Variants in IZUMO4 observed in about 807,000 individuals in gnomAD.
The protein encoded by IZUMO4 is izumo sperm-egg fusion protein 4.
IZUMO4 carries 51 observed loss-of-function variants against 37.1 expected under a neutral mutation model. That is an observed-to-expected ratio of 1.38 (90% CI 1.10 to 1.74). The LOEUF (loss-of-function observed/expected upper bound fraction) is 1.74. Among genes scored for constraint, IZUMO4 ranks in the 40% most tolerant of loss-of-function variants. IZUMO4 has a pLI of 0.00. For missense variants in IZUMO4, 364 were observed against 299.6 expected (o/e 1.21, Z -1.59); for synonymous variants, 162 against 121.4 (o/e 1.33, Z -2.20).
At position 2,097,741 on chromosome 19, in the gene IZUMO4, T is replaced by G. The variant is rs2144953778; in HGVS notation, c.371-188T>G. ...GCCACCGCCCTCCCCTGAAGTTTGC[T>G]CCATCTCACGCTGGGGGTCAACCTG... On this transcript the variant is annotated intron_variant, in intron 3 of 9. Transcript: ENST00000395301. 8.0e-6 allele frequency: 6 copies of G among 746,056 alleles called. No homozygotes were observed. The East Asian group carries it at 1.6e-4, about 20-fold the overall frequency. 46.2% of individuals were successfully genotyped at this position (746,056 alleles called of 1,614,324 possible). A position where few individuals can be genotyped will look rare whatever the true frequency, so the allele number is the denominator to read the frequency against.
chr19:2,099,303 C>A lies in IZUMO4; in HGVS notation c.657C>A (p.Asn219Lys). The A allele has an allele frequency of 6.2e-7, 1 of 1,613,558 alleles. No individual in the cohort carries two copies. Among genetic ancestry groups the A allele is most frequent in the Middle Eastern group, 1.7e-4 (1 of 6,058 alleles). ...LRCLEPPHLA[N>K]LTLEDAAECL... ...GTCTGGAGCCCCCACACTTGGCCAA[C>A]CTGACCTTGGAAGATGCTGCTGAGT... Residue 219 changes from asparagine to lysine, a missense_variant, in exon 10 of 10, where the codon AAC becomes AAA. Physicochemically the swap from Asn to Lys is moderately conservative, Grantham distance 94 (BLOSUM62 0). Transcript: ENST00000395301.
Position 2,098,122 on chromosome 19 carries a change from C to A in IZUMO4, c.468C>A (p.Asn156Lys). The A allele has an allele frequency of 6.2e-7, 1 of 1,613,520 alleles. No individual in the cohort carries two copies. The highest frequency in any genetic ancestry group is 8.5e-7 in the Non-Finnish European group (1 of 1,179,982). The change falls in exon 5 of 10, where the codon AAC (asparagine) becomes AAA (lysine). Residue 156 changes from asparagine (N) to lysine (K), a missense_variant. Coordinates refer to ENST00000395301, the MANE Select transcript of IZUMO4 (RefSeq NM_001039846.2). Reference sequence around the variant, plus strand: ...CGCACGTCGCCTGCTTTGGCTATAACTGCGAGTAGGGCTCAGGCATCACAC... The same window carrying A: ...CGCACGTCGCCTGCTTTGGCTATAAATGCGAGTAGGGCTCAGGCATCACAC... ...TDSHVACFGYNCESSAQWKSA... is the reference protein window; with the variant it reads ...TDSHVACFGYKCESSAQWKSA...
rs964901102 is a variant in IZUMO4 at position 2,097,009 on chromosome 19, C to T, written c.64C>T (p.His22Tyr). 6.2e-7 allele frequency: 1 copy of T among 1,611,550 alleles called. No individual in the cohort carries two copies. The highest frequency in any genetic ancestry group is 1.7e-5 in the Admixed American group (1 of 60,022). Reference protein sequence around the residue: ...AALAHGCLHCHSNFSKKFSFY... With the variant: ...AALAHGCLHCYSNFSKKFSFY... The stretch of plus-strand genomic sequence containing the variant: ...GCTGGCCCACGGCTGTCTGCACTGC[C>T]ACAGCAACTTCTCCAAGAAGTTCTC... Residue 22 changes from histidine (H) to tyrosine (Y), a missense_variant, in exon 1 of 10, where the codon CAC becomes TAC. Transcript: ENST00000395301.
In IZUMO4 at chr19:2,097,931, C is replaced by G. The variant is rs201920532; in HGVS notation, c.373C>G (p.Arg125Gly). The change falls in exon 4 of 10, where the codon CGC becomes GGC. Residue 125 changes from arginine (R) to glycine (G), a missense_variant and splice_region_variant. Transcript: ENST00000395301. ...GGCGCTGTCCTGCCCTCCCACAGGC[C>G]GCATCGACTGTCAGCACCGCTGTGG... Reference protein sequence around the residue: ...HLIQNAIIESRIDCQHRCGIF... With the variant: ...HLIQNAIIESGIDCQHRCGIF... 1.2e-6 allele frequency: 2 copies of G among 1,612,930 alleles called. No homozygotes were observed. Among genetic ancestry groups the G allele is most frequent in the African/African-American group, 2.7e-5 (2 of 74,934 alleles).
In IZUMO4 at chr19:2,099,359, T is replaced by C. The variant is rs1477613997; in HGVS notation, c.*14T>C. On this transcript the variant is annotated 3_prime_UTR_variant, in exon 10 of 10. Transcript: ENST00000395301. ...AAGCAGCACTGACAGCAGCTGGGCC[T>C]GCCCCAGGGCAACGTGGGGGCGGAG... 2.5e-6 allele frequency: 4 copies of C among 1,596,962 alleles called. No individual in the cohort carries two copies. The South Asian group carries it at 3.3e-5, about 13-fold the overall frequency.
Position 2,099,395 on chromosome 19 carries a change from A to ACAGCCCCTGCCTGTCAC in IZUMO4, c.*51_*67dup. The ACAGCCCCTGCCTGTCAC allele has an allele frequency of 7.6e-7, 1 of 1,320,184 alleles. No individual in the cohort carries two copies. The highest frequency in any genetic ancestry group is 1.1e-6 in the Non-Finnish European group (1 of 937,870). The allele number at this position is 1,320,184 out of a possible 1,614,324, so 81.8% of individuals were successfully genotyped here. ...AACGTGGGGGCGGAGACTCAGCTGGACAGCCCCTGCCTGTCACTCTGGAGC... is the reference window on the plus strand; with the variant it reads ...AACGTGGGGGCGGAGACTCAGCTGGACAGCCCCTGCCTGTCACCAGCCCCTGCCTGTCACTCTGGAGC... On this transcript the variant is annotated 3_prime_UTR_variant, in exon 10 of 10. Coordinates refer to ENST00000395301, the MANE Select transcript of IZUMO4 (RefSeq NM_001039846.2).
At position 2,099,454 on chromosome 19, in the gene IZUMO4, C is replaced by A; in HGVS notation, c.*109C>A. On this transcript the variant is annotated 3_prime_UTR_variant, in exon 10 of 10. Coordinates refer to ENST00000395301, the MANE Select transcript of IZUMO4 (RefSeq NM_001039846.2). ...TGCTGCCTCAGGACCCCCTCTCCGA[C>A]CCCGGACAGAGCTGAGCTGGCCAGG... 4 of 754,360 alleles carry A rather than the reference C, an allele frequency of 5.3e-6. No individual in the cohort carries two copies. Among genetic ancestry groups the A allele is most frequent in the Non-Finnish European group, 9.0e-6 (4 of 442,698 alleles). The allele number at this position is 754,360 out of a possible 1,614,324, so 46.7% of individuals were successfully genotyped here.
chr19:2,097,366 AC>A lies in IZUMO4; in HGVS notation c.298+38del, dbSNP rs1300444899. ...CGCGAAACCGAGGCGGGGCCCCCCC[AC>A]CCCGGGACACCCCGCCCACCGCCTG... On this transcript the variant is annotated intron_variant, in intron 2 of 9. Transcript: ENST00000395301. 5.4e-6 allele frequency: 4 copies of A among 742,042 alleles called. No homozygotes were observed. The East Asian group carries it at 2.2e-4, about 42-fold the overall frequency. The allele number at this position is 742,042 out of a possible 1,614,324, so 46.0% of individuals were successfully genotyped here.
Position 2,099,392 on chromosome 19 carries a change from T to A in IZUMO4, c.*47T>A. On this transcript the variant is annotated 3_prime_UTR_variant, in exon 10 of 10. Transcript: ENST00000395301. ...GGCAACGTGGGGGCGGAGACTCAGCTGGACAGCCCCTGCCTGTCACTCTGG... is the reference window on the plus strand; with the variant it reads ...GGCAACGTGGGGGCGGAGACTCAGCAGGACAGCCCCTGCCTGTCACTCTGG... 7.5e-7 allele frequency: 1 copy of A among 1,338,702 alleles called. No individual in the cohort carries two copies. The highest frequency in any genetic ancestry group is 1.0e-6 in the Non-Finnish European group (1 of 956,310). The allele number at this position is 1,338,702 out of a possible 1,614,324, so 82.9% of individuals were successfully genotyped here. A position where few individuals can be genotyped will look rare whatever the true frequency, so the allele number is the denominator to read the frequency against.
chr19:2,098,448 C>G lies in IZUMO4; in HGVS notation c.534C>G (p.His178Gln). Residue 178 changes from histidine to glutamine, a missense_variant and splice_region_variant, in exon 7 of 10, where the codon CAC becomes CAG. Transcript: ENST00000395301. ...ACTGTCTTTGTAGAAATAACTGGCA[C>G]AAGTAAGTCCCCTCCTCAAACCAAC... is the stretch of plus-strand genomic sequence containing the variant. ...QGLLNYINNW[H>Q]KQDTSMRPRS... 1 of 1,613,914 alleles carries G rather than the reference C, an allele frequency of 6.2e-7. No homozygotes were observed. The highest frequency in any genetic ancestry group is 8.5e-7 in the Non-Finnish European group (1 of 1,180,024).
At chr19:2,097,220 G>A (rs1361771799) in intron 1 of IZUMO4, 32 bp from the exon 2 acceptor site, 1 of 1,609,072 alleles carries the variant, frequency 6.2e-7, no homozygotes, top group Admixed American at 1.7e-5. Flanking sequence ...CCCGGGGCAG[G>A]CCGGTCACCT....
intron 8 of IZUMO4, 56 bp from the exon 9 acceptor site, chr19:2,098,920 G>A (rs2017813860): frequency 6.3e-7 from 1 of 1,597,376 alleles, no homozygotes; most frequent in South Asian, 1.1e-5. Context: ...CTATACCTGG[G>A]ACACCTGCTG....
chr19:2,098,118 A>G lies in IZUMO4; in HGVS notation c.464A>G (p.Tyr155Cys), dbSNP rs748494870. Residue 155 changes from tyrosine (Y) to cysteine (C), a missense_variant, in exon 5 of 10, where the codon TAT becomes TGT. Transcript: ENST00000395301. ...CTDSHVACFG[Y>C]NCESSAQWKS... ...GACTCGCACGTCGCCTGCTTTGGCT[A>G]TAACTGCGAGTAGGGCTCAGGCATC... 8.7e-6 allele frequency: 14 copies of G among 1,613,412 alleles called. No homozygotes were observed. The East Asian group carries it at 8.9e-5, about 10-fold the overall frequency.
In IZUMO4 at chr19:2,098,013, G is replaced by A. The variant is rs1220493361; in HGVS notation, c.398-39G>A. On this transcript the variant is annotated intron_variant, in intron 4 of 9. Coordinates refer to ENST00000395301, the MANE Select transcript of IZUMO4 (RefSeq NM_001039846.2). ...GCCGGTGGCAGCTCGGGGCCCTGGA[G>A]GCTGAGGGGAGCCCTGGCGGCTCTT... 3 of 1,613,128 alleles carry A rather than the reference G, an allele frequency of 1.9e-6. No individual in the cohort carries two copies. In the African/African-American group the frequency reaches 4.0e-5, roughly 22 times the overall value.
chr19:2,098,888 G>A (rs552501783), intron 8 of IZUMO4, 84 bp downstream of exon 8: 310 of 1,572,886 alleles, frequency 2.0e-4, no homozygotes, highest in East Asian at 3.8e-4. Flanking sequence ...GATCAGTGGG[G>A]GCACTGCAGG....
At chr19:2,099,139 G>A (rs1050130207) in intron 9 of IZUMO4, 110 bp downstream of exon 9, 14 of 1,389,572 alleles carry the variant, frequency 1.0e-5, no homozygotes, top group African/African-American at 1.4e-5. Flanking sequence ...GGGTGTCGTG[G>A]ATGTGGCCAC....
At chr19:2,097,991 G>C in intron 4 of IZUMO4, 36 bp downstream of exon 4, 1 of 1,613,148 alleles carries the variant, frequency 6.2e-7, no homozygotes, top group Non-Finnish European at 8.5e-7. Context: ...GGGGCGTGCC[G>C]GTGGCAGCTC....
rs748586203 is a variant in IZUMO4 at position 2,096,960 on chromosome 19, G to GT, written c.16dup (p.Cys6LeufsTer151). 1 of 1,606,532 alleles carries GT rather than the reference G, an allele frequency of 6.2e-7. No individual in the cohort carries two copies. Among genetic ancestry groups the GT allele is most frequent in the Non-Finnish European group, 8.5e-7 (1 of 1,179,526 alleles). On this transcript the variant is annotated frameshift_variant, in exon 1 of 10. Coordinates refer to ENST00000395301, the MANE Select transcript of IZUMO4 (RefSeq NM_001039846.2). LOFTEE classifies it high-confidence loss of function. ...CCGGGACGGGCATGGCCCTGCTGCT[G>GT]TGCCTGGTGTGCCTGACGGCGGCGC...
chr19:2,097,359 C>T (rs777965873), intron 2 of IZUMO4, 27 bp downstream of exon 2: 7 of 1,602,982 alleles, frequency 4.4e-6, no homozygotes, highest in African/African-American at 1.3e-5. Context: ...CGAGGCGGGG[C>T]CCCCCCACCC....
Sources: gnomAD v4.1 joint callset for allele counts on GRCh38, gnomAD v4.1.1 for gene constraint, MANE v1.5 for transcripts, NCBI Gene and HGNC (gene_info 2026-07-23, HGNC 2026-07-21) for gene names.